KDM5A: variants seen among roughly 807,000 people sequenced by gnomAD.
KDM5A encodes the protein lysine demethylase 5A, also known as lysine-specific demethylase 5A.
In KDM5A, 42 loss-of-function variants were observed where a neutral mutation model predicts 193.5. The observed-to-expected ratio is 0.22, with a 90% CI of 0.17 to 0.28. The LOEUF (loss-of-function observed/expected upper bound fraction) is 0.28, where lower values mean the gene tolerates loss of function less well. Ranked by LOEUF, KDM5A falls within the 10% of genes least tolerant of loss-of-function variation. The pLI is 1.00. For missense variants in KDM5A, 1,692 were observed against 2,055.1 expected (o/e 0.82, Z 3.42); for synonymous variants, 796 against 718.1 (o/e 1.11, Z -1.73).
intron 9 of KDM5A, among the ~76,000 whole-genome samples, chr12:351,860 T>C (rs930204049): frequency 1.3e-5 from 2 of 151,756 alleles, no homozygotes; most frequent in African/African-American, 2.4e-5. Flanking sequence ...TCCCAGAACT[T>C]TGGGAGGCCG....
intron 3 of KDM5A, among the ~76,000 whole-genome samples, chr12:383,659 G>A (rs1944604000): frequency 6.6e-6 from 1 of 152,020 alleles, no homozygotes; most frequent in Non-Finnish European, 1.5e-5. Flanking sequence ...TTAATATTTA[G>A]TAATTAAATA....
chr12:341,298 A>T (rs1303530072), intron 10 of KDM5A, among the ~76,000 whole-genome samples: 1 of 152,228 alleles, frequency 6.6e-6, no homozygotes, highest in Admixed American at 6.5e-5. Context: ...AAATTCAGTG[A>T]CATTAAACAT....
At chr12:297,290 C>T (rs1339775421) in intron 24 of KDM5A, 90 bp from the exon 25 acceptor site, 4 of 1,023,316 alleles carry the variant, frequency 3.9e-6, no homozygotes, top group Non-Finnish European at 6.0e-6. Context: ...CAGGTTAAAG[C>T]TTCTAATATA....
chr12:381,122 G>A (rs1944568040), intron 3 of KDM5A, among the ~76,000 whole-genome samples: 1 of 152,134 alleles, frequency 6.6e-6, no homozygotes, highest in East Asian at 1.9e-4. Flanking sequence ...GGCCTCCCAA[G>A]TAGCTGAGAT....
intron 27 of KDM5A, chr12:286,110 TA>T: frequency 2.1e-6 from 1 of 477,488 alleles, no homozygotes; most frequent in South Asian, 1.6e-5. Context: ...GCCAAAGTAC[TA>T]AGAGCATTAA....
intron 10 of KDM5A, among the ~76,000 whole-genome samples, chr12:348,779 G>A (rs1378864972): frequency 6.6e-6 from 1 of 152,040 alleles, no homozygotes; most frequent in Non-Finnish European, 1.5e-5. Flanking sequence ...GGGGCTGGAG[G>A]AGGGATAGCA....
At chr12:367,176 A>G (rs1161030924) in intron 3 of KDM5A, among the ~76,000 whole-genome samples, 2 of 152,190 alleles carry the variant, frequency 1.3e-5, no homozygotes, top group Non-Finnish European at 2.9e-5. Context: ...TTTCACTGAG[A>G]ATAAAGGGGA....
chr12:351,592 A>G (rs948930728), intron 9 of KDM5A, among the ~76,000 whole-genome samples: 6 of 152,206 alleles, frequency 3.9e-5, no homozygotes, highest in African/African-American at 1.4e-4. Context: ...AGTAAAAATA[A>G]CTAAAGAAAA....
intron 10 of KDM5A, among the ~76,000 whole-genome samples, chr12:341,633 G>T (rs1466265520): frequency 6.6e-6 from 1 of 152,192 alleles, no homozygotes; most frequent in Non-Finnish European, 1.5e-5. Context: ...TGGGTGTGGT[G>T]GTTTACATCT....
intron 27 of KDM5A, among the ~76,000 whole-genome samples, chr12:289,372 A>T (rs1225081339): frequency 6.6e-6 from 1 of 152,150 alleles, no homozygotes; most frequent in African/African-American, 2.4e-5. Context: ...TTAATTTTTT[A>T]AAAAGTTTTG....
At chr12:365,094 C>T (rs531178382) in intron 4 of KDM5A, among the ~76,000 whole-genome samples, 6 of 152,142 alleles carry the variant, frequency 3.9e-5, no homozygotes, top group African/African-American at 1.2e-4. Context: ...ACTCTGTCAC[C>T]CAGGCTGGAG....
intron 10 of KDM5A, among the ~76,000 whole-genome samples, chr12:335,055 A>G (rs1052754621): frequency 6.6e-6 from 1 of 152,146 alleles, no homozygotes; most frequent in Non-Finnish European, 1.5e-5. Flanking sequence ...GAAAGTCACC[A>G]CCATCACTCC....
intron 24 of KDM5A, among the ~76,000 whole-genome samples, chr12:299,259 T>C (rs1055801058): frequency 6.6e-6 from 1 of 152,000 alleles, no homozygotes; most frequent in African/African-American, 2.4e-5. Flanking sequence ...GATTCACCAA[T>C]GTTGAAATGA....
At chr12:376,201 G>T (rs993132940) in intron 3 of KDM5A, among the ~76,000 whole-genome samples, 2 of 152,208 alleles carry the variant, frequency 1.3e-5, no homozygotes, top group Admixed American at 6.5e-5. Flanking sequence ...AGGAAGGCAG[G>T]CCTCCTTGAG....
chr12:292,641 T>G (rs1259585401), intron 27 of KDM5A, 118 bp downstream of exon 27: 1 of 1,234,458 alleles, frequency 8.1e-7, no homozygotes, highest in Admixed American at 1.8e-5. Context: ...CAAAAGACAT[T>G]ATGTTGGAAG....
intron 3 of KDM5A, among the ~76,000 whole-genome samples, chr12:378,015 A>G (rs1320331583): frequency 6.6e-6 from 1 of 152,232 alleles, no homozygotes; most frequent in African/African-American, 2.4e-5. Flanking sequence ...AATTAATGTA[A>G]CTACACTAGA....
rs557085516 is a variant in KDM5A, at chr12:307,007, T to C, written c.4013A>G (p.Tyr1338Cys). The C allele has an allele frequency of 1.1e-5, 18 of 1,613,920 alleles. No individual in the cohort carries two copies. Among genetic ancestry groups the C allele is most frequent in the East Asian group, 4.5e-5 (2 of 44,886 alleles). The change falls in exon 24 of 28, where the codon TAT becomes TGT. Residue 1338 changes from tyrosine to cysteine, a missense_variant. Tyr to Cys is a radical substitution (Grantham distance 194, BLOSUM62 -2). Around this residue, in one of 11 missense-constraint regions of KDM5A, gnomAD observed 965 missense variants for 1,061.0 expected, o/e 0.91. Transcript: ENST00000399788. This position sits in a 1 kb window ranked among gnomAD's most constrained non-coding sequence, Gnocchi z 4.3. Reference sequence around the variant, plus strand: ...ATCAGAGTCTGTTTCTTCATCATCATAGTCCATTGTTTGTCGAGGAGAAGA... The same window carrying C: ...ATCAGAGTCTGTTTCTTCATCATCACAGTCCATTGTTTGTCGAGGAGAAGA... ...VSSSPRQTMD[Y>C]DDEETDSDED...
At position 307,822 on chromosome 12, in the gene KDM5A, A is replaced by C; in HGVS notation, c.3562T>G (p.Cys1188Gly). 6.2e-7 allele frequency: 1 copy of C among 1,614,198 alleles called. No homozygotes were observed. The highest frequency in any genetic ancestry group is 8.5e-7 in the Non-Finnish European group (1 of 1,180,034). The change falls in exon 23 of 28, where the codon TGT (cysteine) becomes GGT (glycine). Residue 1188 changes from cysteine to glycine, a missense_variant. Physicochemically the swap from Cys to Gly is radical, Grantham distance 159 (BLOSUM62 -3). Coordinates refer to ENST00000399788, the MANE Select transcript of KDM5A (RefSeq NM_001042603.3). The surrounding 1 kb of genome is among the most constrained non-coding windows in gnomAD (Gnocchi z 4.3). Reference protein sequence around the residue: ...ELCKDWFHNSCVPLPKSSSQK... With the variant: ...ELCKDWFHNSGVPLPKSSSQK... ...GAACTTGATTTAGGAAGAGGAACAC[A>C]GCTGTTATGGAACCAGTCTTTGCAG...
intron 14 of KDM5A, among the ~76,000 whole-genome samples, chr12:328,388 C>T (rs1324618091): frequency 1.3e-5 from 2 of 152,184 alleles, no homozygotes; most frequent in Admixed American, 1.3e-4. Context: ...TGATGCTTAG[C>T]TTATTCTAAG....
Sources: gnomAD v4.1 joint callset for allele counts (sites outside exome capture counted in the v4.1 genomes callset) on GRCh38, gnomAD v4.1.1 for gene constraint, gnomAD v4.1.1 regional missense constraint, Gnocchi (gnomAD v3.1) non-coding constraint, MANE v1.5 for transcripts, NCBI Gene and HGNC (gene_info 2026-07-23, HGNC 2026-07-21) for gene names.